The following CDH10 variants were observed in gnomAD, a reference collection of about 807,000 sequenced individuals.
CDH10 encodes cadherin-10.
CDH10 carries 30 observed loss-of-function variants against 73.1 expected under a neutral mutation model. The ratio of observed to expected loss-of-function variants is 0.41; its 90% CI spans 0.31 to 0.56. CDH10 has a LOEUF of 0.56. Among genes scored for constraint, CDH10 ranks in the 20% least tolerant of loss-of-function variants. CDH10 has a pLI of 0.27. For missense variants in CDH10, 815 were observed against 973.7 expected, an observed-to-expected ratio of 0.84 and a Z score of 2.17; for synonymous variants, 345 against 348.2, an observed-to-expected ratio of 0.99 and a Z score of 0.10.
chr5:24,514,878 G>GAT (rs10604051), intron 5 of CDH10, among the ~76,000 whole-genome samples: 5 of 151,332 alleles, frequency 3.3e-5, no homozygotes, highest in South Asian at 2.1e-4. Context: ...GTTAGATTGA[G>GAT]ATATATATAT....
At chr5:24,552,580 A>G (rs983976862) in intron 2 of CDH10, among the ~76,000 whole-genome samples, 2 of 151,920 alleles carry the variant, frequency 1.3e-5, no homozygotes, top group Non-Finnish European at 2.9e-5. Flanking sequence ...TTAATTTCGA[A>G]CTTTGTCAAT....
chr5:24,608,326 C>T (rs1464508833), intron 1 of CDH10, among the ~76,000 whole-genome samples: 2 of 152,012 alleles, frequency 1.3e-5, no homozygotes, highest in Non-Finnish European at 2.9e-5. Context: ...TGGAGTCTCA[C>T]TCTGTCACCA....
At chr5:24,625,719 C>A (rs1056076367) in intron 1 of CDH10, among the ~76,000 whole-genome samples, 3 of 151,050 alleles carry the variant, frequency 2.0e-5, no homozygotes, top group Non-Finnish European at 4.4e-5. Flanking sequence ...GATTTTGGTA[C>A]ATGGTTTTAG....
intron 2 of CDH10, among the ~76,000 whole-genome samples, chr5:24,545,034 T>A (rs747281888): frequency 6.6e-6 from 1 of 152,184 alleles, no homozygotes; most frequent in Non-Finnish European, 1.5e-5. Context: ...CCTTCTAAGT[T>A]CTTAAGTGGT....
At chr5:24,517,625 GACAA>G (rs1344654834) in intron 5 of CDH10, among the ~76,000 whole-genome samples, 5 of 152,034 alleles carry the variant, frequency 3.3e-5, no homozygotes, top group Admixed American at 6.6e-5. Context: ...ATATCTTAGT[GACAA>G]ACAATTAATA....
chr5:24,544,366 T>A (rs1405753045), intron 2 of CDH10, among the ~76,000 whole-genome samples: 1 of 152,128 alleles, frequency 6.6e-6, no homozygotes, highest in Non-Finnish European at 1.5e-5. Context: ...AAAACAACTA[T>A]AATAATTTGC....
intron 2 of CDH10, among the ~76,000 whole-genome samples, chr5:24,538,392 G>A (rs958429271): frequency 1.3e-5 from 2 of 152,012 alleles, no homozygotes; most frequent in African/African-American, 4.8e-5. Context: ...TTCTGTGCAG[G>A]AACAAGGCAA....
intron 2 of CDH10, among the ~76,000 whole-genome samples, chr5:24,580,718 C>T (rs770042166): frequency 6.6e-6 from 1 of 152,110 alleles, no homozygotes; most frequent in African/African-American, 2.4e-5. Flanking sequence ...TGAATTAAAA[C>T]AACACAAATT....
intron 9 of CDH10, 90 bp from the exon 10 acceptor site, chr5:24,493,015 T>C: frequency 3.1e-6 from 2 of 650,704 alleles, no homozygotes; most frequent in Non-Finnish European, 5.6e-6. Flanking sequence ...CTGAAGTTGT[T>C]CAAAATAATT....
At chr5:24,530,334 T>C (rs1324938902) in intron 5 of CDH10, among the ~76,000 whole-genome samples, 1 of 152,018 alleles carries the variant, frequency 6.6e-6, no homozygotes, top group Non-Finnish European at 1.5e-5. Flanking sequence ...TGGAAACAAA[T>C]ACTGTTGTCC....
chr5:24,504,518 T>TTG (rs1742617524), intron 8 of CDH10, among the ~76,000 whole-genome samples: 1 of 35,228 alleles, frequency 2.8e-5, no homozygotes, highest in African/African-American at 6.6e-5. Flanking sequence ...TTTTTTTTTT[T>TTG]TTTTTTTTTT....
intron 7 of CDH10, among the ~76,000 whole-genome samples, chr5:24,507,362 A>G (rs2111738085): frequency 6.6e-6 from 1 of 151,260 alleles, no homozygotes; most frequent in Admixed American, 6.6e-5. Context: ...ATAATATTAT[A>G]CCTAAGAGTA....
chr5:24,590,696 G>T (rs1746170386), intron 2 of CDH10, among the ~76,000 whole-genome samples: 2 of 151,908 alleles, frequency 1.3e-5, no homozygotes, highest in Non-Finnish European at 2.9e-5. Flanking sequence ...TAATTGTTTA[G>T]GTATTTAAAA....
At chr5:24,512,762 T>C (rs1278563412) in intron 5 of CDH10, among the ~76,000 whole-genome samples, 1 of 152,160 alleles carries the variant, frequency 6.6e-6, no homozygotes, top group African/African-American at 2.4e-5. Flanking sequence ...TTAATCAACC[T>C]CAAGTACACT....
chr5:24,487,500 C>G lies in CDH10; in HGVS notation c.*163G>C. The G allele has an allele frequency of 1.5e-6, 1 of 649,002 alleles. No individual in the cohort carries two copies. 40.2% of individuals were successfully genotyped at this position (649,002 alleles called of 1,614,324 possible). ...TGTCATATATATTCCATGAGACATC[C>G]TACAGGAAAGAATTAATGTAATTAA... On this transcript the variant is annotated 3_prime_UTR_variant, in exon 12 of 12. Transcript: ENST00000264463.
chr5:24,583,707 G>A (rs993902855), intron 2 of CDH10, among the ~76,000 whole-genome samples: 83 of 152,138 alleles, frequency 5.5e-4, no homozygotes, highest in African/African-American at 1.8e-3. Context: ...GTGCAGTGGC[G>A]CAGTCTCCAC....
chr5:24,625,549 A>G (rs1361292512), intron 1 of CDH10, among the ~76,000 whole-genome samples: 3 of 93,962 alleles, frequency 3.2e-5, no homozygotes, highest in South Asian at 4.2e-4. Context: ...ATCTATCTGT[A>G]TATATATATA....
chr5:24,627,541 A>G (rs1349859167), intron 1 of CDH10, among the ~76,000 whole-genome samples: 1 of 152,114 alleles, frequency 6.6e-6, no homozygotes, highest in African/African-American at 2.4e-5. Context: ...ATATTATAAG[A>G]GTTTCATTCT....
At chr5:24,597,801 C>T (rs1204873635) in intron 1 of CDH10, among the ~76,000 whole-genome samples, 2 of 151,864 alleles carry the variant, frequency 1.3e-5, no homozygotes, top group African/African-American at 4.8e-5. Flanking sequence ...GGCATTTTGG[C>T]ACATCTCAAT....
Sources: allele counts gnomAD v4.1 joint callset (sites outside exome capture counted in the v4.1 genomes callset), GRCh38; gene constraint gnomAD v4.1.1; transcripts MANE v1.5; gene names NCBI Gene and HGNC (gene_info 2026-07-23, HGNC 2026-07-21).